The following FBXW8 variants were observed in gnomAD, a reference collection of about 807,000 sequenced individuals.
FBXW8 encodes the protein F-box/WD repeat-containing protein 8.
FBXW8 carries 57 observed loss-of-function variants against 65.3 expected under a neutral mutation model. The ratio of observed to expected loss-of-function variants is 0.87; its 90% confidence interval spans 0.71 to 1.09. The LOEUF (loss-of-function observed/expected upper bound fraction) is 1.09. FBXW8 is among the 50% of genes least tolerant of loss of function. The pLI is 0.00. For synonymous variants in FBXW8, 308 were observed against 330.2 expected, an observed-to-expected ratio of 0.93 and a Z score of 0.73; for missense variants, 777 against 814.8, an observed-to-expected ratio of 0.95 and a Z score of 0.57.
At chr12:116,959,303 A>C (rs1883842724) in intron 4 of FBXW8, among the ~76,000 whole-genome samples, 1 of 152,158 alleles carries the variant, frequency 6.6e-6, no homozygotes, top group Non-Finnish European at 1.5e-5. Flanking sequence ...CTTATATTGC[A>C]CTTAAATGGG....
At chr12:116,927,181 C>T (rs1881394848) in intron 1 of FBXW8, among the ~76,000 whole-genome samples, 1 of 152,180 alleles carries the variant, frequency 6.6e-6, no homozygotes, top group South Asian at 2.1e-4. Flanking sequence ...TACATACATA[C>T]ATACACTTGG....
At chr12:117,013,440 A>G (rs117961053) in intron 8 of FBXW8, among the ~76,000 whole-genome samples, 3,479 of 131,628 alleles carry the variant, frequency 0.026, 60 homozygotes, top group Non-Finnish European at 0.037. Flanking sequence ...TTCTGAAGGC[A>G]TATTTTGTCT....
At chr12:117,010,486 A>AT in intron 8 of FBXW8, 36 bp downstream of exon 8, 1 of 1,613,842 alleles carries the variant, frequency 6.2e-7, no homozygotes, top group Non-Finnish European at 8.5e-7. Context: ...TTGCAGCCCC[A>AT]TGGCTTCTGC....
At chr12:116,943,182 T>C (rs1347516435) in intron 2 of FBXW8, among the ~76,000 whole-genome samples, 2 of 152,220 alleles carry the variant, frequency 1.3e-5, no homozygotes, top group Admixed American at 6.5e-5. Flanking sequence ...AGTCTCTGTT[T>C]AGTAAGTCCA....
chr12:117,024,461 C>CT, intron 9 of FBXW8, 141 bp downstream of exon 9: 2 of 921,432 alleles, frequency 2.2e-6, no homozygotes, highest in South Asian at 3.3e-5. Flanking sequence ...CCCTAGGAGC[C>CT]AGCTGCTGTC....
chr12:117,005,585 C>T (rs931743063), intron 7 of FBXW8, among the ~76,000 whole-genome samples: 19 of 152,150 alleles, frequency 1.2e-4, no homozygotes, highest in African/African-American at 3.6e-4. Context: ...GGGGAAGAGC[C>T]GGAAGAAGAT....
At chr12:117,026,479 G>A (rs1487300364) in intron 9 of FBXW8, among the ~76,000 whole-genome samples, 2 of 152,090 alleles carry the variant, frequency 1.3e-5, no homozygotes, top group African/African-American at 2.4e-5. Flanking sequence ...TCCTTCTGTG[G>A]GTGTCCCAAC....
intron 4 of FBXW8, among the ~76,000 whole-genome samples, chr12:116,955,799 G>A (rs1298668618): frequency 6.6e-6 from 1 of 152,098 alleles, no homozygotes; most frequent in Non-Finnish European, 1.5e-5. Flanking sequence ...ATGACATCAT[G>A]AGTTCAAAAA....
chr12:116,914,284 A>C (rs1880223608), intron 1 of FBXW8, among the ~76,000 whole-genome samples: 1 of 151,600 alleles, frequency 6.6e-6, no homozygotes, highest in Non-Finnish European at 1.5e-5. Context: ...AGCAGGCAAA[A>C]AGCAAACTTT....
At chr12:116,922,856 A>T (rs1033440644) in intron 1 of FBXW8, among the ~76,000 whole-genome samples, 1 of 151,584 alleles carries the variant, frequency 6.6e-6, no homozygotes, top group African/African-American at 2.4e-5. Flanking sequence ...ATAGATTTTT[A>T]TATCTGCCTA....
chr12:116,941,634 TAGAA>T (rs1177873673), intron 2 of FBXW8, among the ~76,000 whole-genome samples: 4 of 152,244 alleles, frequency 2.6e-5, no homozygotes, highest in African/African-American at 9.6e-5. Flanking sequence ...TTGCTTGAGA[TAGAA>T]AGTCAGATTT....
rs746125495 is a variant in FBXW8 at position 116,963,727 on chromosome 12, C to T, written c.678-970C>T. ...AATCTCAGAGGTTATCTCATCAACT[C>T]GGCAAAGAAACCCTGCAGGAACTAT... On this transcript the variant is annotated intron_variant, in intron 4 of 10. Transcript: ENST00000652555. Among the ~76,000 whole-genome samples, 253 of 152,316 alleles carry T rather than the reference C, an allele frequency of 1.7e-3. 1 individual carries two copies. Among genetic ancestry groups the T allele is most frequent in the Non-Finnish European group, 3.1e-3 (211 of 68,024 alleles).
At chr12:116,933,643 ATATTCT>A (rs1305725539) in intron 2 of FBXW8, among the ~76,000 whole-genome samples, 4 of 152,200 alleles carry the variant, frequency 2.6e-5, no homozygotes, top group African/African-American at 9.7e-5. Flanking sequence ...AGAATAGAAA[ATATTCT>A]TAAACAGAAC....
At chr12:116,981,612 TC>T (rs1408491716) in intron 5 of FBXW8, among the ~76,000 whole-genome samples, 1 of 97,386 alleles carries the variant, frequency 1.0e-5, no homozygotes, top group African/African-American at 2.6e-5. Context: ...GCTGTGAAGT[TC>T]TTTTTTTTTT....
chr12:116,930,796 C>T (rs560562162), intron 2 of FBXW8, among the ~76,000 whole-genome samples: 27 of 151,956 alleles, frequency 1.8e-4, no homozygotes, highest in Non-Finnish European at 4.4e-5. Flanking sequence ...GATTTTAATC[C>T]GTTTTGAACT....
At chr12:116,924,660 A>T (rs960240436) in intron 1 of FBXW8, among the ~76,000 whole-genome samples, 1 of 152,112 alleles carries the variant, frequency 6.6e-6, no homozygotes, top group African/African-American at 2.4e-5. Context: ...GAAGTACCCA[A>T]TCAGAGTGCC....
intron 3 of FBXW8, among the ~76,000 whole-genome samples, chr12:116,946,021 A>T (rs1397577906): frequency 1.3e-5 from 2 of 152,170 alleles, no homozygotes; most frequent in African/African-American, 4.8e-5. Flanking sequence ...CAAAGTCTCT[A>T]CGGAAATATT....
chr12:117,025,984 A>G lies in FBXW8; in HGVS notation c.1542-1410A>G, dbSNP rs999884625. Among the ~76,000 whole-genome samples, 4 of 152,168 alleles carry G rather than the reference A, an allele frequency of 2.6e-5. 1 individual carries two copies. Among genetic ancestry groups the G allele is most frequent in the Admixed American group, 2.6e-4 (4 of 15,284 alleles). ...CCTGTGCGGTCCAGGCTTGTCCCCCACGTGGTCACTGTTTTCACCAGCACA... is the reference window on the plus strand; with the variant it reads ...CCTGTGCGGTCCAGGCTTGTCCCCCGCGTGGTCACTGTTTTCACCAGCACA... On this transcript the variant is annotated intron_variant, in intron 9 of 10. Coordinates refer to ENST00000652555, the MANE Select transcript of FBXW8 (RefSeq NM_153348.3).
At chr12:116,993,604 T>C (rs751950694) in intron 7 of FBXW8, among the ~76,000 whole-genome samples, 7 of 152,200 alleles carry the variant, frequency 4.6e-5, no homozygotes, top group East Asian at 3.9e-4. Flanking sequence ...GGCTTTTTTT[T>C]CTGCTGATTT....
Sources: gnomAD v4.1 joint callset for allele counts (sites outside exome capture counted in the v4.1 genomes callset) on GRCh38, gnomAD v4.1.1 for gene constraint, MANE v1.5 for transcripts, NCBI Gene and HGNC (gene_info 2026-07-23, HGNC 2026-07-21) for gene names.